Variants in EVI5 observed in about 807,000 individuals in gnomAD.
EVI5 encodes ecotropic viral integration site 5.
Under a neutral mutation model 112.0 loss-of-function variants are expected in EVI5, and 73 were observed. That is an observed-to-expected ratio of 0.65 (90% CI 0.54 to 0.79). The LOEUF (loss-of-function observed/expected upper bound fraction) is 0.79, where lower values mean the gene tolerates loss of function less well. EVI5 is among the 30% of genes least tolerant of loss of function. The pLI, the probability that EVI5 is intolerant of heterozygous loss-of-function variation, is 0.00. For synonymous variants in EVI5, 305 were observed against 319.9 expected, an observed-to-expected ratio of 0.95 and a Z score of 0.50; for missense variants, 900 against 968.8, an observed-to-expected ratio of 0.93 and a Z score of 0.94.
chr1:92,722,490 AGT>A (rs1252241531), intron 2 of EVI5, among the ~76,000 whole-genome samples: 2 of 90,530 alleles, frequency 2.2e-5, no homozygotes, highest in Non-Finnish European at 4.2e-5. Flanking sequence ...AACCGTCCCC[AGT>A]GTGTGATGTT....
chr1:92,776,822 G>A (rs1384735958), intron 1 of EVI5, among the ~76,000 whole-genome samples: 1 of 92,302 alleles, frequency 1.1e-5, no homozygotes, highest in East Asian at 3.2e-4. Flanking sequence ...TTTTTTTTTT[G>A]AGACAGAGTC....
chr1:92,737,619 C>CAA (rs373463014), intron 1 of EVI5, among the ~76,000 whole-genome samples: 1 of 96,126 alleles, frequency 1.0e-5, no homozygotes, highest in African/African-American at 2.9e-5. Flanking sequence ...TATGTACACA[C>CAA]ACAAAAAAAA....
chr1:92,776,424 G>A (rs959900661), intron 1 of EVI5, among the ~76,000 whole-genome samples: 1 of 152,116 alleles, frequency 6.6e-6, no homozygotes, highest in African/African-American at 2.4e-5. Flanking sequence ...AAAGCTATTA[G>A]AGATATTTAA....
At chr1:92,747,727 A>AAG (rs1679513387) in intron 1 of EVI5, among the ~76,000 whole-genome samples, 2 of 149,610 alleles carry the variant, frequency 1.3e-5, no homozygotes, top group Non-Finnish European at 3.0e-5. Context: ...AAAAAAAAAA[A>AAG]CAAAAAAAAA....
In EVI5 at chr1:92,601,922, TG is replaced by T. The variant is rs563753042; in HGVS notation, c.2070+3384del. 4.1e-3 allele frequency among the ~76,000 whole-genome samples: 621 copies of T among 152,354 alleles called. 6 individuals carry two copies. The highest frequency in any genetic ancestry group is 0.016 in the South Asian group (76 of 4,826). ...ATATGGCAAATTCTTAGGATTTTCT[TG>T]ATGTTTAGAAAAGTACAGACTAATG... On this transcript the variant is annotated intron_variant, in intron 18 of 19. Coordinates refer to ENST00000684568, the MANE Select transcript of EVI5 (RefSeq NM_001350197.2).
chr1:92,755,203 G>A (rs886376022), intron 1 of EVI5, among the ~76,000 whole-genome samples: 2 of 151,754 alleles, frequency 1.3e-5, no homozygotes, highest in Non-Finnish European at 2.9e-5. Context: ...CAGGTCAGGA[G>A]TTCAAGACCA....
intron 1 of EVI5, among the ~76,000 whole-genome samples, chr1:92,742,677 A>C (rs1032909306): frequency 1.8e-4 from 27 of 150,716 alleles, no homozygotes; most frequent in Admixed American, 4.0e-4. Flanking sequence ...CTGTCTCACA[A>C]AAAAAAAAAT....
At chr1:92,639,836 G>T (rs1335732151) in intron 13 of EVI5, among the ~76,000 whole-genome samples, 2 of 152,136 alleles carry the variant, frequency 1.3e-5, no homozygotes, top group Admixed American at 6.5e-5. Context: ...AAAGAACAAA[G>T]CTGGAGGCAT....
intron 18 of EVI5, among the ~76,000 whole-genome samples, chr1:92,582,132 A>G (rs1030471400): frequency 6.6e-6 from 1 of 152,222 alleles, no homozygotes; most frequent in Admixed American, 6.5e-5. Context: ...CCTGGGCTAC[A>G]AATATGTACA....
At chr1:92,672,150 C>T (rs573667590) in intron 10 of EVI5, among the ~76,000 whole-genome samples, 1 of 152,250 alleles carries the variant, frequency 6.6e-6, no homozygotes, top group Admixed American at 6.5e-5. Flanking sequence ...ACCACATCAG[C>T]GTTCATCAGA....
At chr1:92,554,158 G>A (rs1251129264) in intron 19 of EVI5, among the ~76,000 whole-genome samples, 1 of 152,208 alleles carries the variant, frequency 6.6e-6, no homozygotes, top group Admixed American at 6.5e-5. Flanking sequence ...TAGAAGTGCA[G>A]AAGCTGCTAC....
chr1:92,575,344 T>G lies in EVI5; in HGVS notation c.2071-11607A>C, dbSNP rs72964748. ...TTACTACCGTATATTTCATCATGCA[T>G]CCTCTAAGAATAAAGAACTGCCCTA... On this transcript the variant is annotated intron_variant, in intron 18 of 19. Transcript: ENST00000684568. 2.9e-3 allele frequency among the ~76,000 whole-genome samples: 436 copies of G among 152,232 alleles called. 1 individual carries two copies. Among genetic ancestry groups the G allele is most frequent in the African/African-American group, 9.4e-3 (390 of 41,542 alleles).
intron 9 of EVI5, among the ~76,000 whole-genome samples, chr1:92,691,976 A>C (rs1394100656): frequency 6.6e-6 from 1 of 152,164 alleles, no homozygotes; most frequent in African/African-American, 2.4e-5. Flanking sequence ...AGTCAATATA[A>C]ATATACATGG....
At chr1:92,583,336 T>C (rs1056482076) in intron 18 of EVI5, among the ~76,000 whole-genome samples, 2 of 151,298 alleles carry the variant, frequency 1.3e-5, no homozygotes, top group Non-Finnish European at 3.0e-5. Context: ...ATGGTGAAAC[T>C]CCATCTCTAC....
chr1:92,551,040 CTTT>C (rs55898086), intron 19 of EVI5, among the ~76,000 whole-genome samples: 326 of 80,704 alleles, frequency 4.0e-3, no homozygotes, highest in Non-Finnish European at 5.6e-3. Context: ...TTCTTTCTTT[CTTT>C]TTTTTTTTTT....
At position 92,755,243 on chromosome 1, in the gene EVI5, C is replaced by T. The variant is rs1204256978; in HGVS notation, c.-81-18616G>A. On this transcript the variant is annotated intron_variant, in intron 1 of 19. Transcript: ENST00000684568. ...GGCCAACATGTTGAAACCCCGTCTCCACTAAAAAATATAAAAATTAGCCGG... is the reference window on the plus strand; with the variant it reads ...GGCCAACATGTTGAAACCCCGTCTCTACTAAAAAATATAAAAATTAGCCGG... Among the ~76,000 whole-genome samples the T allele has an allele frequency of 4.0e-5, 6 of 151,816 alleles. No homozygotes were observed. The East Asian group carries it at 1.2e-3, about 29-fold the overall frequency.
chr1:92,729,494 T>C (rs1221540847), intron 2 of EVI5, among the ~76,000 whole-genome samples: 1 of 152,216 alleles, frequency 6.6e-6, no homozygotes, highest in Non-Finnish European at 1.5e-5. Flanking sequence ...GACAACTTCA[T>C]ATCCATTTCC....
At chr1:92,592,696 G>C (rs1174903482) in intron 18 of EVI5, among the ~76,000 whole-genome samples, 1 of 152,090 alleles carries the variant, frequency 6.6e-6, no homozygotes, top group Non-Finnish European at 1.5e-5. Context: ...GAAGAAAAGA[G>C]AGAAGAATCA....
At chr1:92,570,486 C>T (rs752651313) in intron 18 of EVI5, among the ~76,000 whole-genome samples, 9 of 152,096 alleles carry the variant, frequency 5.9e-5, no homozygotes, top group East Asian at 3.8e-4. Flanking sequence ...CTTTGAATCT[C>T]GTCCTTAATA....
Sources: gnomAD v4.1 joint callset for allele counts (sites outside exome capture counted in the v4.1 genomes callset) on GRCh38, gnomAD v4.1.1 for gene constraint, MANE v1.5 for transcripts, NCBI Gene and HGNC (gene_info 2026-07-23, HGNC 2026-07-21) for gene names.